The following RBMS3 variants were observed in gnomAD, a reference collection of about 807,000 sequenced individuals.
The protein encoded by RBMS3 is RNA binding motif single stranded interacting protein 3.
RBMS3 carries 27 observed loss-of-function variants against 66.8 expected under a neutral mutation model. The ratio of observed to expected loss-of-function variants is 0.40; its 90% CI spans 0.30 to 0.56. The LOEUF (loss-of-function observed/expected upper bound fraction) is 0.56, where lower values mean the gene tolerates loss of function less well. RBMS3 is among the 20% of genes least tolerant of loss of function. The pLI is 0.40. For missense variants in RBMS3, 513 were observed against 549.5 expected (o/e 0.93, Z 0.66); for synonymous variants, 188 against 183.0 (o/e 1.03, Z -0.22).
At chr3:29,668,848 A>C (rs1373300631) in intron 4 of RBMS3, among the ~76,000 whole-genome samples, 1 of 152,202 alleles carries the variant, frequency 6.6e-6, no homozygotes, top group Non-Finnish European at 1.5e-5. Flanking sequence ...AGAAAATCTG[A>C]GGAATAAGTT....
chr3:29,529,963 A>G (rs1423434251), intron 3 of RBMS3, among the ~76,000 whole-genome samples: 2 of 152,192 alleles, frequency 1.3e-5, no homozygotes, highest in Non-Finnish European at 2.9e-5. Flanking sequence ...TCACTTCCCA[A>G]TACTCTAGGT....
intron 1 of RBMS3, among the ~76,000 whole-genome samples, chr3:29,406,993 C>A (rs531039378): frequency 6.6e-6 from 1 of 152,266 alleles, no homozygotes; most frequent in East Asian, 1.9e-4. Flanking sequence ...TTTTTAAGCT[C>A]ATATTCATGA....
intron 4 of RBMS3, among the ~76,000 whole-genome samples, chr3:29,725,146 A>G (rs185456152): frequency 2.0e-5 from 3 of 152,330 alleles, no homozygotes; most frequent in Admixed American, 6.5e-5. Flanking sequence ...TGAGCTACTT[A>G]CTGAATCACA....
chr3:29,419,869 A>G (rs1304461221), intron 1 of RBMS3, among the ~76,000 whole-genome samples: 1 of 152,196 alleles, frequency 6.6e-6, no homozygotes, highest in Non-Finnish European at 1.5e-5. Context: ...AGGAATACTT[A>G]CACCACTACC....
chr3:29,964,095 T>C (rs1027984424), intron 12 of RBMS3, among the ~76,000 whole-genome samples: 1 of 152,190 alleles, frequency 6.6e-6, no homozygotes, highest in Non-Finnish European at 1.5e-5. Flanking sequence ...ACGAAGTGTG[T>C]TTCTGAAATG....
At chr3:29,429,591 T>C (rs994555471) in intron 1 of RBMS3, among the ~76,000 whole-genome samples, 1 of 152,204 alleles carries the variant, frequency 6.6e-6, no homozygotes, top group African/African-American at 2.4e-5. Flanking sequence ...TTTCCACCGC[T>C]TCTAAGCTGA....
chr3:29,571,211 A>G lies in RBMS3; in HGVS notation c.308-15903A>G, dbSNP rs143553453. Among the ~76,000 whole-genome samples, 864 of 152,064 alleles carry G rather than the reference A, an allele frequency of 5.7e-3. 10 individuals are homozygous for G. Among genetic ancestry groups the G allele is most frequent in the African/African-American group, 0.02 (828 of 41,492 alleles). On this transcript the variant is annotated intron_variant, in intron 3 of 14. Transcript: ENST00000383767. ...CTATACAGTTGTTTGAGCTCTTTGT[A>G]TTTACTGATTATCAATCTGTCAGAT...
At chr3:29,715,273 G>A (rs1420869290) in intron 4 of RBMS3, among the ~76,000 whole-genome samples, 1 of 152,138 alleles carries the variant, frequency 6.6e-6, no homozygotes, top group African/African-American at 2.4e-5. Flanking sequence ...ACAAATGTCT[G>A]TACCTAATTT....
chr3:29,913,060 G>A (rs9875937), intron 10 of RBMS3, among the ~76,000 whole-genome samples: 1 of 151,916 alleles, frequency 6.6e-6, no homozygotes, highest in East Asian at 1.9e-4. Flanking sequence ...AGACCTCTTG[G>A]CTATCATCAC....
At chr3:29,315,831 G>A (rs570235837) in intron 1 of RBMS3, among the ~76,000 whole-genome samples, 1 of 151,792 alleles carries the variant, frequency 6.6e-6, no homozygotes, top group Non-Finnish European at 1.5e-5. Context: ...TTATAGATCA[G>A]GCTAAATGCA....
At chr3:29,282,893 A>C (rs1445928929) in intron 1 of RBMS3, among the ~76,000 whole-genome samples, 1 of 152,164 alleles carries the variant, frequency 6.6e-6, no homozygotes, top group Non-Finnish European at 1.5e-5. Context: ...ACTGGGAAGC[A>C]GACTTTCAGT....
At chr3:29,987,685 G>A (rs1463465088) in intron 12 of RBMS3, among the ~76,000 whole-genome samples, 1 of 152,018 alleles carries the variant, frequency 6.6e-6, no homozygotes, top group African/African-American at 2.4e-5. Flanking sequence ...TTACTTTGCT[G>A]CTTTTTTAAA....
intron 1 of RBMS3, among the ~76,000 whole-genome samples, chr3:29,348,101 TAAGTAA>T (rs2125551855): frequency 6.6e-6 from 1 of 151,816 alleles, no homozygotes; most frequent in East Asian, 1.9e-4. Flanking sequence ...CCTTGTCATT[TAAGTAA>T]ATGACAAGTA....
At chr3:29,581,067 G>A (rs1230625729) in intron 3 of RBMS3, among the ~76,000 whole-genome samples, 1 of 152,072 alleles carries the variant, frequency 6.6e-6, no homozygotes, top group Non-Finnish European at 1.5e-5. Context: ...AAGCTCTTTT[G>A]TCTCTGGCTT....
intron 5 of RBMS3, among the ~76,000 whole-genome samples, chr3:29,747,283 C>T (rs180834376): frequency 8.9e-4 from 136 of 152,258 alleles, no homozygotes; most frequent in Non-Finnish European, 1.4e-3. Context: ...TAGCTTACAT[C>T]TTAGTTCTGC....
chr3:29,459,378 CTT>C (rs1242358834), intron 2 of RBMS3, among the ~76,000 whole-genome samples: 3 of 152,108 alleles, frequency 2.0e-5, no homozygotes, highest in Non-Finnish European at 2.9e-5. Context: ...TTTCTGTTCT[CTT>C]TTTGTCCCTT....
intron 3 of RBMS3, among the ~76,000 whole-genome samples, chr3:29,552,851 A>C (rs2046221857): frequency 6.6e-6 from 1 of 152,168 alleles, no homozygotes; most frequent in Non-Finnish European, 1.5e-5. Flanking sequence ...TCTAGGTAGT[A>C]TCTGGGTAGT....
chr3:29,721,759 T>A (rs1038776902), intron 4 of RBMS3, among the ~76,000 whole-genome samples: 2 of 152,166 alleles, frequency 1.3e-5, no homozygotes, highest in African/African-American at 4.8e-5. Context: ...CAGAGTCAGG[T>A]GAGCATGGGG....
In RBMS3 at chr3:29,785,210, C is replaced by CA. The variant is rs376589007; in HGVS notation, c.637+22228dup. Among the ~76,000 whole-genome samples the CA allele has an allele frequency of 9.4e-3, 1,429 of 151,716 alleles. 17 individuals carry two copies. The highest frequency in any genetic ancestry group is 0.032 in the African/African-American group (1,320 of 41,446). On this transcript the variant is annotated intron_variant, in intron 6 of 14. Coordinates refer to ENST00000383767, the MANE Select transcript of RBMS3 (RefSeq NM_001003793.3). ...ATACCAAAACCAGGGAAGAACATAG[C>CA]AAAAAAAGAAAACTACAGACCAGTA...
Sources: allele counts gnomAD v4.1 joint callset (sites outside exome capture counted in the v4.1 genomes callset), GRCh38; gene constraint gnomAD v4.1.1; transcripts MANE v1.5; gene names NCBI Gene and HGNC (gene_info 2026-07-23, HGNC 2026-07-21).